Variants in DAB1 observed in about 807,000 individuals in gnomAD.
DAB1 encodes DAB adaptor protein 1.
DAB1 carries 15 observed loss-of-function variants against 64.6 expected under a neutral mutation model. That is an observed-to-expected ratio of 0.23 (90% confidence interval 0.16 to 0.36). DAB1 has a LOEUF of 0.36. DAB1 is among the 10% of genes least tolerant of loss of function. The probability of loss-of-function intolerance (pLI) is 1.00; values close to 1 mark genes in which losing one functional copy is unlikely to be tolerated. For synonymous variants in DAB1, 235 were observed against 251.9 expected, an observed-to-expected ratio of 0.93 and a Z score of 0.64; for missense variants, 596 against 706.7, an observed-to-expected ratio of 0.84 and a Z score of 1.78.
intron 3 of DAB1, among the ~76,000 whole-genome samples, chr1:58,419,595 C>G (rs904113921): frequency 6.6e-5 from 10 of 152,194 alleles, no homozygotes; most frequent in Non-Finnish European, 2.9e-5. Context: ...CTCTCTGCTC[C>G]TTTCTGTATG....
chr1:58,418,289 T>C (rs1446146305), intron 3 of DAB1, among the ~76,000 whole-genome samples: 1 of 152,214 alleles, frequency 6.6e-6, no homozygotes, highest in African/African-American at 2.4e-5. Context: ...GAGAATTTAA[T>C]TCCCTGCATG....
chr1:58,138,908 A>C (rs545531123), intron 5 of DAB1, among the ~76,000 whole-genome samples: 1 of 152,250 alleles, frequency 6.6e-6, no homozygotes. Context: ...GAATAGGTAA[A>C]TGGATGGACA....
chr1:58,539,175 T>C (rs777297608), intron 1 of DAB1: 1 of 873,002 alleles, frequency 1.1e-6, no homozygotes, highest in Non-Finnish European at 2.0e-6. Flanking sequence ...TAACTTGTAC[T>C]TGATGACAGC....
chr1:57,106,744 T>C (rs377381538), intron 4 of DAB1, among the ~76,000 whole-genome samples: 1 of 152,222 alleles, frequency 6.6e-6, no homozygotes, highest in African/African-American at 2.4e-5. Flanking sequence ...TATTCACTCA[T>C]TCTTCATGTC....
At chr1:58,446,044 C>T (rs1390659761) in intron 3 of DAB1, among the ~76,000 whole-genome samples, 2 of 152,218 alleles carry the variant, frequency 1.3e-5, no homozygotes, top group South Asian at 2.1e-4. Flanking sequence ...AGGACATCCC[C>T]GGTCCCGGAC....
intron 2 of DAB1, among the ~76,000 whole-genome samples, chr1:57,190,174 G>A (rs1463954658): frequency 6.6e-6 from 1 of 152,144 alleles, no homozygotes; most frequent in Non-Finnish European, 1.5e-5. Flanking sequence ...GGTATGGGGT[G>A]GGGACTTCAG....
At chr1:57,692,563 GGAAATAGTAAA>G (rs1646777109) in intron 6 of DAB1, among the ~76,000 whole-genome samples, 1 of 151,918 alleles carries the variant, frequency 6.6e-6, no homozygotes, top group African/African-American at 2.4e-5. Flanking sequence ...AAAGAGAGAT[GGAAATAGTAAA>G]GAAAAAACAG....
intron 5 of DAB1, among the ~76,000 whole-genome samples, chr1:57,980,950 C>CAT (rs774876076): frequency 3.1e-4 from 46 of 150,186 alleles, no homozygotes; most frequent in African/African-American, 6.1e-4. Flanking sequence ...GATAGATAAA[C>CAT]ATATATATAT....
intron 5 of DAB1, among the ~76,000 whole-genome samples, chr1:58,116,529 C>G (rs1224596423): frequency 6.6e-6 from 1 of 152,182 alleles, no homozygotes; most frequent in African/African-American, 2.4e-5. Context: ...CTTCCTTGAT[C>G]TTCTTCAATG....
At position 58,329,463 on chromosome 1, in the gene DAB1, T is replaced by A. The variant is rs560914591; in HGVS notation, n.309+13889A>T. 2.6e-5 allele frequency among the ~76,000 whole-genome samples: 4 copies of A among 152,370 alleles called. No individual in the cohort carries two copies. In the South Asian group the frequency reaches 8.3e-4, roughly 32 times the overall value. Reference sequence around the variant, plus strand: ...TTTAATTTTATAAATGTACCATAACTTATGTAATCTCACTTGTGTTATAGT... The same window carrying A: ...TTTAATTTTATAAATGTACCATAACATATGTAATCTCACTTGTGTTATAGT... On this transcript the variant is annotated intron_variant and non_coding_transcript_variant, in intron 4 of 20. Transcript: ENST00000485760.
chr1:57,990,057 C>T lies in DAB1; in HGVS notation n.388-105895G>A, dbSNP rs141064343. ...CTCAGCCAAGCCAAGCTGCAAGGCACCCTGGGAACCCATCACTGAAAGACT... is the reference window on the plus strand; with the variant it reads ...CTCAGCCAAGCCAAGCTGCAAGGCATCCTGGGAACCCATCACTGAAAGACT... On this transcript the variant is annotated intron_variant and non_coding_transcript_variant, in intron 5 of 20. Transcript: ENST00000485760. 2.6e-5 allele frequency among the ~76,000 whole-genome samples: 4 copies of T among 152,198 alleles called. No homozygotes were observed. In the East Asian group the frequency reaches 5.8e-4, roughly 22 times the overall value.
In DAB1 at chr1:58,172,982, C is replaced by A. The variant is rs1346990499; in HGVS notation, n.310-22394G>T. ...AATTATGGAGTTATTGCACTCAGTG[C>A]AAAAACCCAAGGAGGTGGCAGTCTT... On this transcript the variant is annotated intron_variant and non_coding_transcript_variant, in intron 4 of 20. Transcript: ENST00000485760. Among the ~76,000 whole-genome samples the A allele has an allele frequency of 2.6e-5, 4 of 152,308 alleles. No individual in the cohort carries two copies. In the South Asian group the frequency reaches 8.3e-4, roughly 32 times the overall value.
At chr1:57,181,917 G>T (rs1029391530) in intron 2 of DAB1, among the ~76,000 whole-genome samples, 1 of 152,070 alleles carries the variant, frequency 6.6e-6, no homozygotes, top group Non-Finnish European at 1.5e-5. Context: ...ATGGAGTCTC[G>T]CTCTGTCACC....
chr1:57,147,258 T>C (rs991305924), intron 2 of DAB1, among the ~76,000 whole-genome samples: 1 of 151,746 alleles, frequency 6.6e-6, no homozygotes, highest in African/African-American at 2.4e-5. Context: ...ACTCAACCAA[T>C]CCACCACCTT....
chr1:58,188,163 C>A (rs947394427), intron 4 of DAB1, among the ~76,000 whole-genome samples: 2 of 152,190 alleles, frequency 1.3e-5, no homozygotes, highest in Non-Finnish European at 2.9e-5. Context: ...CCTGCCTTGG[C>A]CTCCCAAAGT....
At chr1:57,439,422 T>TTTTTG (rs1558381306) in intron 7 of DAB1, among the ~76,000 whole-genome samples, 1 of 120,768 alleles carries the variant, frequency 8.3e-6, no homozygotes, top group African/African-American at 3.6e-5. Context: ...GATGAGGTTT[T>TTTTTG]TTCTTTTTTT....
chr1:58,231,424 G>A (rs928135046), intron 4 of DAB1, among the ~76,000 whole-genome samples: 1 of 152,196 alleles, frequency 6.6e-6, no homozygotes, highest in Non-Finnish European at 1.5e-5. Flanking sequence ...ACATGCAAAT[G>A]GGCGAACCAG....
chr1:57,190,006 A>G (rs536128101), intron 2 of DAB1, among the ~76,000 whole-genome samples: 2 of 152,202 alleles, frequency 1.3e-5, no homozygotes, highest in Non-Finnish European at 2.9e-5. Flanking sequence ...GTTCAAATCA[A>G]TGTTTGTCCC....
intron 7 of DAB1, among the ~76,000 whole-genome samples, chr1:57,481,814 C>T (rs1156382454): frequency 7.6e-6 from 1 of 131,472 alleles, no homozygotes; most frequent in Non-Finnish European, 1.6e-5. Flanking sequence ...AAGACTCTGT[C>T]TCAAAAAAAA....
Sources: gnomAD v4.1 joint callset for allele counts (sites outside exome capture counted in the v4.1 genomes callset) on GRCh38, gnomAD v4.1.1 for gene constraint, MANE v1.5 for transcripts, NCBI Gene and HGNC (gene_info 2026-07-23, HGNC 2026-07-21) for gene names.